HOMER1: variants seen among roughly 807,000 people sequenced by gnomAD.
The protein encoded by HOMER1 is homer protein homolog 1.
HOMER1 carries 3 observed loss-of-function variants against 48.9 expected under a neutral mutation model. That is an observed-to-expected ratio of 0.06 (90% CI 0.03 to 0.16). HOMER1 has a LOEUF of 0.16. HOMER1 is among the 10% of genes least tolerant of loss of function. HOMER1 has a pLI of 1.00. For missense variants in HOMER1, 247 were observed against 411.4 expected, an observed-to-expected ratio of 0.60 and a Z score of 3.46; for synonymous variants, 134 against 146.4, an observed-to-expected ratio of 0.92 and a Z score of 0.61.
chr5:79,386,876 C>T (rs756820701), intron 8 of HOMER1, among the ~76,000 whole-genome samples: 27 of 152,024 alleles, frequency 1.8e-4, no homozygotes, highest in Non-Finnish European at 7.4e-5. Flanking sequence ...ATTATGAATA[C>T]CACCACTGGC....
intron 1 of HOMER1, among the ~76,000 whole-genome samples, chr5:79,472,632 T>C (rs144269393): frequency 8.6e-5 from 13 of 151,496 alleles, no homozygotes; most frequent in African/African-American, 3.1e-4. Flanking sequence ...AAAAAAAAGT[T>C]AGCCAGACAC....
chr5:79,510,431 G>A, intron 1 of HOMER1: 1 of 669,086 alleles, frequency 1.5e-6, no homozygotes, highest in Admixed American at 1.8e-5. Flanking sequence ...TTAAGGTGCA[G>A]ACATGGCCAA....
chr5:79,475,674 C>G (rs1751755931), intron 1 of HOMER1, among the ~76,000 whole-genome samples: 1 of 152,110 alleles, frequency 6.6e-6, no homozygotes, highest in Admixed American at 6.5e-5. Context: ...ATTTTGTAAT[C>G]TGTTATAGAA....
intron 1 of HOMER1, among the ~76,000 whole-genome samples, chr5:79,471,573 A>G (rs976496336): frequency 7.6e-6 from 1 of 132,424 alleles, no homozygotes; most frequent in East Asian, 2.2e-4. Context: ...AAAAAAAAAA[A>G]GAAAGAAAAA....
At chr5:79,503,754 C>T (rs184229965) in intron 1 of HOMER1, among the ~76,000 whole-genome samples, 6 of 150,878 alleles carry the variant, frequency 4.0e-5, no homozygotes, top group Middle Eastern at 7.0e-3. Flanking sequence ...AGAAGAAAAT[C>T]ATAAGTAAGA....
intron 1 of HOMER1, among the ~76,000 whole-genome samples, chr5:79,470,318 C>T (rs1751582809): frequency 6.6e-6 from 1 of 152,146 alleles, no homozygotes; most frequent in Non-Finnish European, 1.5e-5. Flanking sequence ...ATGGTGAGGA[C>T]ATATATCTTG....
At chr5:79,499,097 G>A (rs376381370) in intron 1 of HOMER1, among the ~76,000 whole-genome samples, 2 of 152,118 alleles carry the variant, frequency 1.3e-5, no homozygotes, top group African/African-American at 4.8e-5. Context: ...GCCTCCCAAG[G>A]TGCTGGGATT....
chr5:79,402,129 T>C (rs953306986), intron 5 of HOMER1, 74 bp from the exon 6 acceptor site: 2 of 1,267,704 alleles, frequency 1.6e-6, no homozygotes, highest in Admixed American at 2.2e-5. Context: ...CAAGACTCAG[T>C]TCTATTGTAG....
intron 1 of HOMER1, among the ~76,000 whole-genome samples, chr5:79,488,019 A>C (rs1243019629): frequency 6.6e-6 from 1 of 152,250 alleles, no homozygotes; most frequent in African/African-American, 2.4e-5. Flanking sequence ...AGGTTTTTGT[A>C]TACTTAAAAC....
chr5:79,512,832 A>T lies in HOMER1; in HGVS notation c.-58T>A. 6.3e-7 allele frequency: 1 copy of T among 1,581,546 alleles called. No individual in the cohort carries two copies. The highest frequency in any genetic ancestry group is 8.7e-7 in the Non-Finnish European group (1 of 1,150,814). On this transcript the variant is annotated 5_prime_UTR_variant, in exon 1 of 9. Transcript: ENST00000334082. Reference sequence around the variant, plus strand: ...GCTCTTATGCTACGGAATAACTTCCAAAGGAATTTCTCCGTCTGCTATTTC... The same window carrying T: ...GCTCTTATGCTACGGAATAACTTCCTAAGGAATTTCTCCGTCTGCTATTTC...
At chr5:79,500,995 A>C (rs912298453) in intron 1 of HOMER1, among the ~76,000 whole-genome samples, 36 of 124,148 alleles carry the variant, frequency 2.9e-4, no homozygotes, top group African/African-American at 1.3e-3. Flanking sequence ...CACACACACA[A>C]GGTCTGGCTC....
At chr5:79,437,060 T>A (rs1561363425) in intron 5 of HOMER1, among the ~76,000 whole-genome samples, 2 of 152,198 alleles carry the variant, frequency 1.3e-5, no homozygotes, top group Admixed American at 6.5e-5. Flanking sequence ...TCAAAGTAAC[T>A]CTTATTAGAC....
intron 1 of HOMER1, among the ~76,000 whole-genome samples, chr5:79,500,995 A>ACACACACACACAC (rs1460147206): frequency 8.1e-6 from 1 of 124,222 alleles, no homozygotes; most frequent in East Asian, 2.5e-4. Flanking sequence ...CACACACACA[A>ACACACACACACAC]GGTCTGGCTC....
At chr5:79,379,338 A>G (rs1748892298) in intron 8 of HOMER1, among the ~76,000 whole-genome samples, 1 of 110,388 alleles carries the variant, frequency 9.1e-6, no homozygotes, top group South Asian at 2.4e-4. Context: ...ATATATATTT[A>G]TATATTTTAT....
intron 5 of HOMER1, among the ~76,000 whole-genome samples, chr5:79,414,083 T>C (rs970729470): frequency 2.0e-5 from 3 of 152,034 alleles, no homozygotes; most frequent in Admixed American, 6.6e-5. Context: ...CTGTTCTTTT[T>C]TTAAAAAAAA....
chr5:79,466,453 G>T (rs746211798), intron 1 of HOMER1, among the ~76,000 whole-genome samples: 1 of 151,764 alleles, frequency 6.6e-6, no homozygotes, highest in Admixed American at 6.6e-5. Flanking sequence ...AGCTGAGATC[G>T]TGCCACTGCA....
chr5:79,500,796 T>TACCACAC (rs1402967161), intron 1 of HOMER1, among the ~76,000 whole-genome samples: 21 of 152,052 alleles, frequency 1.4e-4, no homozygotes, highest in African/African-American at 4.6e-4. Flanking sequence ...AGCTAATTTT[T>TACCACAC]GCACTTTTAG....
At chr5:79,464,683 C>T (rs1431812509) in intron 1 of HOMER1, among the ~76,000 whole-genome samples, 1 of 152,142 alleles carries the variant, frequency 6.6e-6, no homozygotes. Context: ...ATATATCCTA[C>T]CCCATGAAAA....
At chr5:79,385,818 G>C (rs1749094030) in intron 8 of HOMER1, among the ~76,000 whole-genome samples, 1 of 130,632 alleles carries the variant, frequency 7.7e-6, no homozygotes, top group Admixed American at 9.1e-5. Flanking sequence ...ACTCTAGCCT[G>C]GGTGACAGAG....
Sources: gnomAD v4.1 joint callset for allele counts (sites outside exome capture counted in the v4.1 genomes callset) on GRCh38, gnomAD v4.1.1 for gene constraint, MANE v1.5 for transcripts, NCBI Gene and HGNC (gene_info 2026-07-23, HGNC 2026-07-21) for gene names.